Variants in FAT3 observed in about 807,000 individuals in gnomAD.
FAT3 encodes protocadherin Fat 3.
FAT3 carries 95 observed loss-of-function variants against 310.2 expected under a neutral mutation model. The ratio of observed to expected loss-of-function variants is 0.31; its 90% CI spans 0.26 to 0.36. The LOEUF (loss-of-function observed/expected upper bound fraction) is 0.36, where lower values mean the gene tolerates loss of function less well. Among genes scored for constraint, FAT3 ranks in the 10% least tolerant of loss-of-function variants. FAT3 has a pLI of 1.00. For missense variants in FAT3, 5,408 were observed against 5,715.6 expected (o/e 0.95, Z 1.74); for synonymous variants, 2,314 against 2,192.9 (o/e 1.06, Z -1.54).
At chr11:92,872,321 T>C (rs1949410121) in intron 22 of FAT3, among the ~76,000 whole-genome samples, 1 of 152,246 alleles carries the variant, frequency 6.6e-6, no homozygotes, top group Non-Finnish European at 1.5e-5. Flanking sequence ...GACCAATGGA[T>C]GCCACTGGTG....
chr11:92,612,697 T>C (rs1447698139), intron 3 of FAT3, among the ~76,000 whole-genome samples: 1 of 152,112 alleles, frequency 6.6e-6, no homozygotes, highest in Admixed American at 6.5e-5. Flanking sequence ...CAACATATAA[T>C]TAAATAAAAT....
rs1316922517 is a variant in FAT3 at position 92,332,174 on chromosome 11, T to C, written c.-17-19922T>C. Among the ~76,000 whole-genome samples the C allele has an allele frequency of 2.6e-5, 4 of 152,230 alleles. No homozygotes were observed. The East Asian group carries it at 7.7e-4, about 29-fold the overall frequency. On this transcript the variant is annotated intron_variant, in intron 1 of 27. Transcript: ENST00000525166. The stretch of plus-strand genomic sequence containing the variant: ...TGCTTTGTTCACCCTGTGTATGAGC[T>C]TCCTCCAGTTGAACTATACTGGGTC...
At chr11:92,535,723 G>A (rs1954234719) in intron 3 of FAT3, among the ~76,000 whole-genome samples, 1 of 152,124 alleles carries the variant, frequency 6.6e-6, no homozygotes, top group African/African-American at 2.4e-5. Flanking sequence ...TTGGATGAGA[G>A]ACTTCTAAGT....
At chr11:92,648,120 G>T (rs1942232546) in intron 3 of FAT3, among the ~76,000 whole-genome samples, 1 of 152,132 alleles carries the variant, frequency 6.6e-6, no homozygotes, top group Non-Finnish European at 1.5e-5. Flanking sequence ...TGGAGATTTG[G>T]TCTCTCATGC....
chr11:92,523,948 A>C (rs577033469), intron 2 of FAT3, among the ~76,000 whole-genome samples: 5 of 152,272 alleles, frequency 3.3e-5, no homozygotes, highest in Non-Finnish European at 7.4e-5. Flanking sequence ...AGCATCTCTC[A>C]AAGTGGCTCA....
chr11:92,514,657 C>G (rs150896573), intron 2 of FAT3, among the ~76,000 whole-genome samples: 85 of 152,188 alleles, frequency 5.6e-4, no homozygotes, highest in Non-Finnish European at 1.1e-3. Flanking sequence ...GGACAGAGGT[C>G]CTATCCTATT....
rs552795179 is a variant in FAT3 at position 92,890,820 on chromosome 11, T to A, written c.13477T>A (p.Tyr4493Asn). 6.2e-7 allele frequency: 1 copy of A among 1,613,862 alleles called. No individual in the cohort carries two copies. The highest frequency in any genetic ancestry group is 1.1e-5 in the South Asian group (1 of 91,070). ...RRRPQFHPSQ[Y>N]LPPHPFPNET... ...AAGGCCCCAGTTTCATCCTAGCCAG[T>A]ATCTCCCTCCTCACCCATTCCCCAA... The change falls in exon 28 of 28, where the codon TAT becomes AAT. Residue 4493 changes from tyrosine to asparagine, a missense_variant. Tyr to Asn is a moderately radical substitution (Grantham distance 143). Coordinates refer to ENST00000525166, the MANE Select transcript of FAT3 (RefSeq NM_001367949.2).
intron 1 of FAT3, among the ~76,000 whole-genome samples, chr11:92,229,901 AAACTCTTC>A (rs1338835329): frequency 6.6e-6 from 1 of 151,928 alleles, no homozygotes; most frequent in African/African-American, 2.4e-5. Flanking sequence ...TTAATCAATT[AAACTCTTC>A]ACATAAACAA....
intron 3 of FAT3, among the ~76,000 whole-genome samples, chr11:92,612,076 T>A (rs1056678303): frequency 9.2e-5 from 14 of 152,330 alleles, no homozygotes; most frequent in Non-Finnish European, 1.6e-4. Context: ...TTGGGAACAT[T>A]TAATAACTAT....
At position 92,798,164 on chromosome 11, in the gene FAT3, T is replaced by A; in HGVS notation, c.5151T>A (p.Asn1717Lys). 6.2e-7 allele frequency: 1 copy of A among 1,613,936 alleles called. No homozygotes were observed. Among genetic ancestry groups the A allele is most frequent in the Non-Finnish European group, 8.5e-7 (1 of 1,179,862 alleles). ...ACATTAATGGGATCTTTACCATAAA[T>A]CCATATTCTGGAGTCATCACCACTC... ...DGDINGIFTINPYSGVITTQK... is the reference protein window; with the variant it reads ...DGDINGIFTIKPYSGVITTQK... The change falls in exon 10 of 28, where the codon AAT becomes AAA. Residue 1717 changes from asparagine (N) to lysine (K), a missense_variant. Asn to Lys is a moderately conservative substitution (Grantham distance 94). Coordinates refer to ENST00000525166, the MANE Select transcript of FAT3 (RefSeq NM_001367949.2).
intron 3 of FAT3, among the ~76,000 whole-genome samples, chr11:92,545,648 A>G (rs1192005383): frequency 1.3e-5 from 2 of 152,216 alleles, no homozygotes; most frequent in East Asian, 3.9e-4. Context: ...CTCTTTAAAC[A>G]TGATAGGTGT....
At chr11:92,375,611 A>G (rs1949320820) in intron 2 of FAT3, among the ~76,000 whole-genome samples, 1 of 152,170 alleles carries the variant, frequency 6.6e-6, no homozygotes. Flanking sequence ...ATTTTGTTCA[A>G]GGCTGTCTTG....
chr11:92,640,516 G>T (rs1941920107), intron 3 of FAT3, among the ~76,000 whole-genome samples: 1 of 152,084 alleles, frequency 6.6e-6, no homozygotes, highest in African/African-American at 2.4e-5. Flanking sequence ...TAATAGAACA[G>T]GTTAGAAACA....
At chr11:92,695,676 G>T (rs1278046060) in intron 3 of FAT3, among the ~76,000 whole-genome samples, 1 of 152,114 alleles carries the variant, frequency 6.6e-6, no homozygotes, top group Non-Finnish European at 1.5e-5. Context: ...CCTATTCTTT[G>T]TTCTAGGTGA....
chr11:92,781,441 A>G (rs1946751173), intron 7 of FAT3, among the ~76,000 whole-genome samples: 2 of 152,198 alleles, frequency 1.3e-5, no homozygotes, highest in South Asian at 4.2e-4. Context: ...ACTCATTTCC[A>G]GTGAGAAATT....
intron 3 of FAT3, among the ~76,000 whole-genome samples, chr11:92,635,582 A>C (rs1941737050): frequency 6.6e-6 from 1 of 152,174 alleles, no homozygotes; most frequent in Non-Finnish European, 1.5e-5. Context: ...AAATTATTTA[A>C]ATTGACTTTG....
chr11:92,341,642 C>T (rs1234974073), intron 1 of FAT3, among the ~76,000 whole-genome samples: 1 of 152,148 alleles, frequency 6.6e-6, no homozygotes, highest in Non-Finnish European at 1.5e-5. Flanking sequence ...ATGCTTATTG[C>T]TGCCTATTTC....
chr11:92,798,454 A>G lies in FAT3; in HGVS notation c.5441A>G (p.Gln1814Arg). Residue 1814 changes from glutamine to arginine, a missense_variant, in exon 10 of 28, where the codon CAG becomes CGG. Transcript: ENST00000525166. ...AACCGGAATGCTCTGCTTGTGTATC[A>G]GATTGTGGAGTCAACAGCAAAAAAG... ...DSNRNALLVYQIVESTAKKFF... is the reference protein window; with the variant it reads ...DSNRNALLVYRIVESTAKKFF... The G allele has an allele frequency of 6.2e-7, 1 of 1,613,468 alleles. No homozygotes were observed. The highest frequency in any genetic ancestry group is 8.5e-7 in the Non-Finnish European group (1 of 1,179,806).
intron 2 of FAT3, among the ~76,000 whole-genome samples, chr11:92,440,881 C>T (rs1951050414): frequency 6.6e-6 from 1 of 152,148 alleles, no homozygotes; most frequent in South Asian, 2.1e-4. Flanking sequence ...CTATGCTATT[C>T]ACTAGCCATG....
Sources: allele counts gnomAD v4.1 joint callset (sites outside exome capture counted in the v4.1 genomes callset), GRCh38; gene constraint gnomAD v4.1.1; transcripts MANE v1.5; gene names NCBI Gene and HGNC (gene_info 2026-07-23, HGNC 2026-07-21).